The following TCERG1L variants were observed in gnomAD, a reference collection of about 807,000 sequenced individuals.
TCERG1L encodes the protein transcription elongation regulator 1 like, also known as transcription elongation regulator 1-like protein.
Under a neutral mutation model 56.3 loss-of-function variants are expected in TCERG1L, and 37 were observed. The ratio of observed to expected loss-of-function variants is 0.66; its 90% CI spans 0.51 to 0.87. TCERG1L has a LOEUF of 0.87. Ranked by LOEUF, TCERG1L falls within the 40% of genes least tolerant of loss-of-function variation. The probability of loss-of-function intolerance (pLI) is 0.00; values close to 1 mark genes in which losing one functional copy is unlikely to be tolerated. For missense variants in TCERG1L, 799 were observed against 774.2 expected, an observed-to-expected ratio of 1.03 and a Z score of -0.38; for synonymous variants, 324 against 326.3, an observed-to-expected ratio of 0.99 and a Z score of 0.08.
chr10:131,296,647 C>G (rs1846693817), intron 3 of TCERG1L, among the ~76,000 whole-genome samples: 1 of 152,182 alleles, frequency 6.6e-6, no homozygotes, highest in Non-Finnish European at 1.5e-5. Flanking sequence ...ATGGGCTTGT[C>G]AATTTACATG....
chr10:131,115,520 C>T (rs553598809), intron 9 of TCERG1L, among the ~76,000 whole-genome samples: 26 of 152,276 alleles, frequency 1.7e-4, no homozygotes, highest in South Asian at 4.1e-4. Context: ...CACACGCGCG[C>T]GTCCACGTCG....
chr10:131,260,278 G>A lies in TCERG1L; in HGVS notation c.837C>T (p.Leu279=), dbSNP rs777257012. Residue 279 remains leucine, a synonymous_variant, in exon 4 of 12, where the codon CTC becomes CTT. Coordinates refer to ENST00000368642, the MANE Select transcript of TCERG1L (RefSeq NM_174937.4). This position sits in a 1 kb window ranked among gnomAD's most constrained non-coding sequence, Gnocchi z 5.8. ...FLTLAPIKIP[L]RTSPVSDTRT... ...GCCTACCTGAGACGGGGGACGTCCGGAGGGGTATTTTGATGGGTGCCAAGG... is the reference window on the plus strand; with the variant it reads ...GCCTACCTGAGACGGGGGACGTCCGAAGGGGTATTTTGATGGGTGCCAAGG... 12 of 1,379,818 alleles carry A rather than the reference G, an allele frequency of 8.7e-6. No individual in the cohort carries two copies. The South Asian group carries it at 2.5e-4, about 29-fold the overall frequency. 85.5% of individuals were successfully genotyped at this position (1,379,818 alleles called of 1,614,324 possible).
intron 4 of TCERG1L, among the ~76,000 whole-genome samples, chr10:131,230,541 C>A (rs1379665223): frequency 1.3e-5 from 2 of 152,208 alleles, no homozygotes; most frequent in African/African-American, 4.8e-5. Context: ...ACATCTTCTT[C>A]CCACTGACGA....
intron 4 of TCERG1L, among the ~76,000 whole-genome samples, chr10:131,168,892 C>T (rs369261274): frequency 6.6e-6 from 1 of 152,236 alleles, no homozygotes; most frequent in East Asian, 1.9e-4. Context: ...CATGACCACC[C>T]CAAGAGACGC....
chr10:131,214,036 A>ACG (rs1845644344), intron 4 of TCERG1L, among the ~76,000 whole-genome samples: 1 of 84,968 alleles, frequency 1.2e-5, no homozygotes, highest in Non-Finnish European at 2.6e-5. Context: ...AATGTTACAT[A>ACG]CGCACACACA....
intron 4 of TCERG1L, among the ~76,000 whole-genome samples, chr10:131,212,492 C>T (rs538436935): frequency 6.6e-6 from 1 of 152,200 alleles, no homozygotes; most frequent in Non-Finnish European, 1.5e-5. Context: ...TGCTTGGCAT[C>T]TGTAAGCTCA....
At chr10:131,185,533 A>G (rs1183067496) in intron 4 of TCERG1L, among the ~76,000 whole-genome samples, 1 of 152,236 alleles carries the variant, frequency 6.6e-6, no homozygotes, top group African/African-American at 2.4e-5. Flanking sequence ...ATTCTTTACA[A>G]CTCAACAAGA....
intron 4 of TCERG1L, among the ~76,000 whole-genome samples, chr10:131,220,880 G>C (rs938134263): frequency 6.6e-6 from 1 of 152,202 alleles, no homozygotes; most frequent in Non-Finnish European, 1.5e-5. Context: ...CCATGCCCTC[G>C]TATGTGTGGT....
intron 4 of TCERG1L, among the ~76,000 whole-genome samples, chr10:131,254,049 T>C (rs1004726435): frequency 6.6e-6 from 1 of 152,168 alleles, no homozygotes; most frequent in Non-Finnish European, 1.5e-5. Context: ...AGCTGAGGCC[T>C]GAACAGTGGG....
chr10:131,148,565 C>T (rs1312633701), intron 6 of TCERG1L, among the ~76,000 whole-genome samples: 2 of 140,066 alleles, frequency 1.4e-5, no homozygotes, highest in South Asian at 5.1e-4. Context: ...GAGAAACACA[C>T]ATACACACAA....
rs141474215 is a variant in TCERG1L, at chr10:131,115,651, A to C, written c.1395+1148T>G. Among the ~76,000 whole-genome samples the C allele has an allele frequency of 1.0e-3, 155 of 152,232 alleles. 2 individuals are homozygous for C. In the East Asian group the frequency reaches 0.019, roughly 19 times the overall value. On this transcript the variant is annotated intron_variant, in intron 9 of 11. Coordinates refer to ENST00000368642, the MANE Select transcript of TCERG1L (RefSeq NM_174937.4). ...GGCCCAGGGCTGTGTTTCGCCTTTG[A>C]GTAAATGATGAAATACATAAACAGG...
At chr10:131,301,203 T>C (rs188880478) in intron 3 of TCERG1L, among the ~76,000 whole-genome samples, 14 of 152,170 alleles carry the variant, frequency 9.2e-5, no homozygotes, top group Admixed American at 9.1e-4. Context: ...TTTGTTCATT[T>C]AGTCTTCAAG....
intron 7 of TCERG1L, among the ~76,000 whole-genome samples, chr10:131,141,257 C>T (rs1845735827): frequency 6.6e-6 from 1 of 152,206 alleles, no homozygotes; most frequent in Non-Finnish European, 1.5e-5. Context: ...TTGAGGCTCA[C>T]TGTCCCCAGA....
At chr10:131,098,452 A>G in intron 10 of TCERG1L, 28 bp from the exon 11 acceptor site, 2 of 1,525,916 alleles carry the variant, frequency 1.3e-6, no homozygotes, top group Middle Eastern at 1.7e-4. Context: ...GAAGAAAAAC[A>G]TCATGAAATT....
rs1177546274 is a variant in TCERG1L, at chr10:131,311,440, C to T, written c.196G>A (p.Ala66Thr). 3 of 1,175,998 alleles carry T rather than the reference C, an allele frequency of 2.6e-6. No individual in the cohort carries two copies. The highest frequency in any genetic ancestry group is 1.6e-5 in the African/African-American group (1 of 61,616). The allele number at this position is 1,175,998 out of a possible 1,614,324, so 72.8% of individuals were successfully genotyped here. A position where few individuals can be genotyped will look rare whatever the true frequency, so the allele number is the denominator to read the frequency against. The change falls in exon 1 of 12, where the codon GCC (alanine) becomes ACC (threonine). Residue 66 changes from alanine to threonine, a missense_variant. Physicochemically the swap from Ala to Thr is moderately conservative, Grantham distance 58 (BLOSUM62 0). Coordinates refer to ENST00000368642, the MANE Select transcript of TCERG1L (RefSeq NM_174937.4). The surrounding 1 kb of genome is among the most constrained non-coding windows in gnomAD (Gnocchi z 4.0). ...VVVPPVLLAS[A>T]PPPAAPLLPG... ...AGCAGCGGGGCCGCGGGCGGCGGGGCCGAGGCGAGCAGCACCGGGGGAACC... is the reference window on the plus strand; with the variant it reads ...AGCAGCGGGGCCGCGGGCGGCGGGGTCGAGGCGAGCAGCACCGGGGGAACC...
chr10:131,104,421 G>C (rs1845331171), intron 9 of TCERG1L, 67 bp from the exon 10 acceptor site: 2 of 1,044,456 alleles, frequency 1.9e-6, no homozygotes, highest in Non-Finnish European at 2.9e-6. Flanking sequence ...GCCCTGAAAT[G>C]ATCCACAGTT....
At chr10:131,200,010 T>C (rs1845414274) in intron 4 of TCERG1L, among the ~76,000 whole-genome samples, 4 of 152,200 alleles carry the variant, frequency 2.6e-5, no homozygotes, top group Admixed American at 2.6e-4. Flanking sequence ...AAGCCTCCTC[T>C]GAATGGCCCT....
At chr10:131,129,149 A>G (rs1028536514) in intron 8 of TCERG1L, among the ~76,000 whole-genome samples, 1 of 152,238 alleles carries the variant, frequency 6.6e-6, no homozygotes, top group African/African-American at 2.4e-5. Flanking sequence ...TAGGAGAGAG[A>G]AGCAGAGGGC....
intron 7 of TCERG1L, 133 bp downstream of exon 7, chr10:131,146,373 C>T (rs1305607742): frequency 3.9e-6 from 4 of 1,024,178 alleles, no homozygotes; most frequent in Admixed American, 3.1e-5. Context: ...CTAAACTCTG[C>T]AATCGGGCAC....
Sources: allele counts gnomAD v4.1 joint callset (sites outside exome capture counted in the v4.1 genomes callset), GRCh38; gene constraint gnomAD v4.1.1; non-coding constraint Gnocchi (gnomAD v3.1); transcripts MANE v1.5; gene names NCBI Gene and HGNC (gene_info 2026-07-23, HGNC 2026-07-21).